The following HS3ST5 variants were observed in gnomAD, a reference collection of about 807,000 sequenced individuals.
HS3ST5 encodes the protein heparan sulfate glucosamine 3-O-sulfotransferase 5.
In HS3ST5, 10 loss-of-function variants were observed where a neutral mutation model predicts 25.4. That is an observed-to-expected ratio of 0.39 (90% CI 0.24 to 0.67). The LOEUF (loss-of-function observed/expected upper bound fraction) is 0.67. Ranked by LOEUF, HS3ST5 falls within the 30% of genes least tolerant of loss-of-function variation. The pLI, the probability that HS3ST5 is intolerant of heterozygous loss-of-function variation, is 0.44. For synonymous variants in HS3ST5, 170 were observed against 162.4 expected, an observed-to-expected ratio of 1.05 and a Z score of -0.36; for missense variants, 324 against 420.7, an observed-to-expected ratio of 0.77 and a Z score of 2.01.
chr6:114,316,377 T>A (rs1263948518), intron 1 of HS3ST5, among the ~76,000 whole-genome samples: 1 of 152,198 alleles, frequency 6.6e-6, no homozygotes, highest in Non-Finnish European at 1.5e-5. Flanking sequence ...AGGACACTCA[T>A]AAAACAAACA....
chr6:114,159,618 C>T (rs1418275143), intron 3 of HS3ST5, among the ~76,000 whole-genome samples: 1 of 152,110 alleles, frequency 6.6e-6, no homozygotes, highest in Non-Finnish European at 1.5e-5. Flanking sequence ...TTTCTTGATC[C>T]AAGTGCTAGT....
chr6:114,061,576 T>A (rs1412211058), intron 4 of HS3ST5, among the ~76,000 whole-genome samples: 1 of 152,250 alleles, frequency 6.6e-6, no homozygotes, highest in Non-Finnish European at 1.5e-5. Flanking sequence ...TTTTCATTTT[T>A]AATTTTGTAT....
intron 1 of HS3ST5, among the ~76,000 whole-genome samples, chr6:114,260,331 A>C (rs1196821578): frequency 1.3e-5 from 2 of 152,196 alleles, no homozygotes; most frequent in South Asian, 4.1e-4. Context: ...CCTCAGAGAT[A>C]TGGACTATAA....
chr6:114,151,392 G>T (rs1778444924), intron 3 of HS3ST5, among the ~76,000 whole-genome samples: 1 of 152,112 alleles, frequency 6.6e-6, no homozygotes, highest in African/African-American at 2.4e-5. Flanking sequence ...AAATTGTTAT[G>T]GCATAGCTTT....
rs1336415387 is a variant in HS3ST5, at chr6:114,157,971, TCCTC to T, written c.-33+10376_-33+10379del. Among the ~76,000 whole-genome samples, 6 of 152,122 alleles carry T rather than the reference TCCTC, an allele frequency of 3.9e-5. No homozygotes were observed. In the East Asian group the frequency reaches 1.2e-3, roughly 29 times the overall value. Reference sequence around the variant, plus strand: ...CATTCTTGTTCCTGTACAACCCCACTCCTCCCTAACCTGATTAACTCCTTTGCAT... The same window carrying T: ...CATTCTTGTTCCTGTACAACCCCACTCCTAACCTGATTAACTCCTTTGCAT... On this transcript the variant is annotated intron_variant, in intron 3 of 4. Coordinates refer to ENST00000312719, the MANE Select transcript of HS3ST5 (RefSeq NM_153612.4).
intron 1 of HS3ST5, among the ~76,000 whole-genome samples, chr6:114,326,627 T>C (rs75200503): frequency 0.021 from 3,263 of 152,308 alleles, 116 homozygotes; most frequent in African/African-American, 0.075. Flanking sequence ...TTGTCAAACA[T>C]ACTCAATTTC....
chr6:114,338,282 T>G (rs577043000), intron 1 of HS3ST5, among the ~76,000 whole-genome samples: 26 of 134,660 alleles, frequency 1.9e-4, no homozygotes, highest in African/African-American at 5.6e-4. Flanking sequence ...TATTTACATA[T>G]GTACAATGTA....
chr6:114,146,137 C>T (rs545461388), intron 3 of HS3ST5, among the ~76,000 whole-genome samples: 1 of 152,300 alleles, frequency 6.6e-6, no homozygotes, highest in Non-Finnish European at 1.5e-5. Context: ...CTAGATATGT[C>T]TCTTCTCTGT....
At chr6:114,222,603 T>C (rs779561286) in intron 2 of HS3ST5, among the ~76,000 whole-genome samples, 15 of 151,868 alleles carry the variant, frequency 9.9e-5, no homozygotes, top group Non-Finnish European at 1.2e-4. Flanking sequence ...AATTTGGCTA[T>C]GTTGATGACG....
At chr6:114,166,432 C>A (rs953940033) in intron 3 of HS3ST5, among the ~76,000 whole-genome samples, 2 of 152,178 alleles carry the variant, frequency 1.3e-5, no homozygotes, top group Admixed American at 1.3e-4. Context: ...GAGTGGCTGG[C>A]ATGCTCCATT....
intron 3 of HS3ST5, among the ~76,000 whole-genome samples, chr6:114,127,155 G>A (rs929676603): frequency 9.9e-5 from 15 of 152,264 alleles, no homozygotes; most frequent in African/African-American, 3.6e-4. Flanking sequence ...GGGAAGCCGA[G>A]GTGGGCTGAT....
intron 1 of HS3ST5, among the ~76,000 whole-genome samples, chr6:114,322,405 T>C (rs1237759150): frequency 6.6e-6 from 1 of 152,112 alleles, no homozygotes; most frequent in Non-Finnish European, 1.5e-5. Flanking sequence ...GTGGGCCTGC[T>C]TTTTCCTTGT....
intron 3 of HS3ST5, among the ~76,000 whole-genome samples, chr6:114,144,192 G>A (rs1350534020): frequency 1.3e-5 from 2 of 152,150 alleles, no homozygotes; most frequent in Non-Finnish European, 2.9e-5. Context: ...TAGGAGAGCT[G>A]CTTTCCTGTG....
At chr6:114,318,123 AT>A (rs1189561176) in intron 1 of HS3ST5, among the ~76,000 whole-genome samples, 1 of 152,122 alleles carries the variant, frequency 6.6e-6, no homozygotes, top group African/African-American at 2.4e-5. Context: ...AATCTCCACC[AT>A]TTAACACCTT....
intron 1 of HS3ST5, among the ~76,000 whole-genome samples, chr6:114,253,409 C>A (rs1327711612): frequency 6.6e-6 from 1 of 152,150 alleles, no homozygotes; most frequent in Non-Finnish European, 1.5e-5. Context: ...CTGTTTCCTA[C>A]TGAGTTTTGC....
intron 3 of HS3ST5, among the ~76,000 whole-genome samples, chr6:114,107,050 T>C (rs1776027924): frequency 6.6e-6 from 1 of 152,064 alleles, no homozygotes; most frequent in Non-Finnish European, 1.5e-5. Context: ...ATTCTATTCT[T>C]CCCCAAAGCT....
intron 2 of HS3ST5, among the ~76,000 whole-genome samples, chr6:114,176,565 G>C (rs937256557): frequency 6.6e-6 from 1 of 152,108 alleles, no homozygotes; most frequent in African/African-American, 2.4e-5. Flanking sequence ...ATGTATACAT[G>C]CATGCTTACC....
rs17076037 is a variant in HS3ST5 at position 114,318,048 on chromosome 6, T to C, written c.-339+24147A>G. Among the ~76,000 whole-genome samples the C allele has an allele frequency of 9.9e-3, 1,506 of 152,230 alleles. 24 individuals are homozygous for C. The highest frequency in any genetic ancestry group is 0.034 in the African/African-American group (1,425 of 41,520). On this transcript the variant is annotated intron_variant, in intron 1 of 4. Transcript: ENST00000312719. ...TCTTACGCATACAACTGGCGAGAGT[T>C]AAGCCCACTGTAGTGTGAGCAGATG...
At chr6:114,333,978 C>A (rs1204443199) in intron 1 of HS3ST5, among the ~76,000 whole-genome samples, 1 of 152,142 alleles carries the variant, frequency 6.6e-6, no homozygotes, top group African/African-American at 2.4e-5. Context: ...CCACATACAA[C>A]CTTGTACCCG....
Sources: gnomAD v4.1 joint callset for allele counts (sites outside exome capture counted in the v4.1 genomes callset) on GRCh38, gnomAD v4.1.1 for gene constraint, MANE v1.5 for transcripts, NCBI Gene and HGNC (gene_info 2026-07-23, HGNC 2026-07-21) for gene names.